SUPT3H: variants seen among roughly 807,000 people sequenced by gnomAD.
SUPT3H encodes SPT3 homolog, SAGA and STAGA complex component.
SUPT3H carries 44 observed loss-of-function variants against 44.3 expected under a neutral mutation model. The ratio of observed to expected loss-of-function variants is 0.99; its 90% CI spans 0.78 to 1.28. The LOEUF (loss-of-function observed/expected upper bound fraction) is 1.28, where lower values mean the gene tolerates loss of function less well. SUPT3H is among the 50% of genes most tolerant of loss of function. SUPT3H has a pLI of 0.00. For synonymous variants in SUPT3H, 124 were observed against 125.6 expected (o/e 0.99, Z 0.09); for missense variants, 380 against 387.1 (o/e 0.98, Z 0.15).
intron 4 of SUPT3H, among the ~76,000 whole-genome samples, chr6:45,018,192 A>G (rs1784589452): frequency 6.6e-6 from 1 of 152,038 alleles, no homozygotes; most frequent in Admixed American, 6.6e-5. Context: ...TTGTACATTG[A>G]TTTTGTATCC....
intron 10 of SUPT3H, among the ~76,000 whole-genome samples, chr6:44,923,804 C>T (rs1321382402): frequency 6.6e-6 from 1 of 151,992 alleles, no homozygotes; most frequent in Non-Finnish European, 1.5e-5. Context: ...TCCCTTCTCC[C>T]CACATCTGCC....
chr6:44,942,575 C>T (rs563476203), intron 9 of SUPT3H, among the ~76,000 whole-genome samples: 2 of 152,270 alleles, frequency 1.3e-5, no homozygotes, highest in East Asian at 1.9e-4. Flanking sequence ...GCCCCAAATT[C>T]GGTGTACAAA....
At chr6:44,884,744 G>T (rs1337425214) in intron 10 of SUPT3H, among the ~76,000 whole-genome samples, 1 of 152,134 alleles carries the variant, frequency 6.6e-6, no homozygotes, top group Non-Finnish European at 1.5e-5. Context: ...ATCTCACTAG[G>T]GAGTGCCAGA....
intron 2 of SUPT3H, among the ~76,000 whole-genome samples, chr6:45,266,597 T>C (rs1457714556): frequency 6.6e-6 from 1 of 152,016 alleles, no homozygotes; most frequent in East Asian, 1.9e-4. Context: ...ATATTATGAA[T>C]AGACATTTGA....
At chr6:45,161,477 C>T (rs1265407362) in intron 2 of SUPT3H, among the ~76,000 whole-genome samples, 1 of 152,160 alleles carries the variant, frequency 6.6e-6, no homozygotes, top group African/African-American at 2.4e-5. Flanking sequence ...AATATCTCTA[C>T]TCTCTGAACT....
At chr6:45,068,546 G>T (rs1793821760) in intron 3 of SUPT3H, among the ~76,000 whole-genome samples, 1 of 152,032 alleles carries the variant, frequency 6.6e-6, no homozygotes, top group African/African-American at 2.4e-5. Context: ...TCTGAAATCG[G>T]TACTAATAGC....
intron 5 of SUPT3H, among the ~76,000 whole-genome samples, chr6:45,005,153 T>C (rs1436621721): frequency 1.3e-5 from 2 of 152,178 alleles, no homozygotes; most frequent in African/African-American, 4.8e-5. Context: ...TAATGAGGAA[T>C]GCCTTGTCTC....
At chr6:45,348,356 C>A (rs377402446) in intron 2 of SUPT3H, among the ~76,000 whole-genome samples, 2 of 151,586 alleles carry the variant, frequency 1.3e-5, no homozygotes, top group South Asian at 2.1e-4. Context: ...TTATCGTCTC[C>A]TCATTTTCTT....
intron 6 of SUPT3H, among the ~76,000 whole-genome samples, chr6:45,002,858 A>T (rs778537151): frequency 8.6e-5 from 7 of 81,304 alleles, no homozygotes; most frequent in Admixed American, 1.5e-4. Context: ...TAGAAACTAT[A>T]AAAAAGTTGG....
intron 2 of SUPT3H, among the ~76,000 whole-genome samples, chr6:45,224,981 C>G (rs983774634): frequency 6.6e-6 from 1 of 151,790 alleles, no homozygotes; most frequent in African/African-American, 2.4e-5. Context: ...TATTAAACTT[C>G]TAAAAATATA....
At chr6:45,074,479 T>A (rs1416157178) in intron 3 of SUPT3H, among the ~76,000 whole-genome samples, 1 of 152,052 alleles carries the variant, frequency 6.6e-6, no homozygotes, top group Non-Finnish European at 1.5e-5. Flanking sequence ...ATATCATTCA[T>A]CTTTAAGGAA....
chr6:44,947,478 G>C (rs149015045), intron 9 of SUPT3H, among the ~76,000 whole-genome samples: 1 of 152,262 alleles, frequency 6.6e-6, no homozygotes, highest in East Asian at 1.9e-4. Context: ...GTGAGACTTA[G>C]TATTGCTAAA....
chr6:45,250,474 G>T (rs978053012), intron 2 of SUPT3H, among the ~76,000 whole-genome samples: 1 of 151,812 alleles, frequency 6.6e-6, no homozygotes, highest in East Asian at 1.9e-4. Flanking sequence ...AGATAAAGTT[G>T]AGAATAATCT....
intron 2 of SUPT3H, among the ~76,000 whole-genome samples, chr6:45,120,927 C>T (rs1801570547): frequency 1.3e-5 from 2 of 151,788 alleles, no homozygotes; most frequent in South Asian, 2.1e-4. Context: ...AATATTAGAA[C>T]AATAATATTA....
At chr6:44,876,714 G>A (rs1777344186) in intron 10 of SUPT3H, among the ~76,000 whole-genome samples, 1 of 148,542 alleles carries the variant, frequency 6.7e-6, no homozygotes, top group African/African-American at 2.5e-5. Context: ...ATGGATCAAA[G>A]GAGAAACATC....
intron 10 of SUPT3H, among the ~76,000 whole-genome samples, chr6:44,882,696 T>G (rs1778450395): frequency 6.6e-6 from 1 of 152,156 alleles, no homozygotes; most frequent in Non-Finnish European, 1.5e-5. Flanking sequence ...CACGATCACG[T>G]TGGCTTCATC....
chr6:45,016,051 A>G (rs1454040651), intron 4 of SUPT3H, among the ~76,000 whole-genome samples: 1 of 152,182 alleles, frequency 6.6e-6, no homozygotes, highest in East Asian at 1.9e-4. Context: ...ATACATAAAC[A>G]AGTAACAATC....
chr6:44,932,697 T>G lies in SUPT3H; in HGVS notation c.868A>C (p.Ile290Leu). The G allele has an allele frequency of 6.2e-7, 1 of 1,612,020 alleles. No homozygotes were observed. The highest frequency in any genetic ancestry group is 8.5e-7 in the Non-Finnish European group (1 of 1,179,110). ...CCAATCCTGTGGCTGTAGCGTCGAATGGCCTCTCTGATGTGGCAGGGCTGG... is the reference window on the plus strand; with the variant it reads ...CCAATCCTGTGGCTGTAGCGTCGAAGGGCCTCTCTGATGTGGCAGGGCTGG... ...AIQPCHIREA[I>L]RRYSHRIGPL... Residue 290 changes from isoleucine to leucine, a missense_variant, in exon 10 of 11, where the codon ATT (isoleucine) becomes CTT (leucine). Transcript: ENST00000371459.
At chr6:45,071,906 T>C (rs552162151) in intron 3 of SUPT3H, among the ~76,000 whole-genome samples, 34 of 152,328 alleles carry the variant, frequency 2.2e-4, no homozygotes, top group African/African-American at 7.5e-4. Context: ...CAAAGGTCCT[T>C]GAGAGCCAGC....
Sources: allele counts gnomAD v4.1 joint callset (sites outside exome capture counted in the v4.1 genomes callset), GRCh38; gene constraint gnomAD v4.1.1; transcripts MANE v1.5; gene names NCBI Gene and HGNC (gene_info 2026-07-23, HGNC 2026-07-21).